The following NLK variants were observed in gnomAD, a reference collection of about 807,000 sequenced individuals.
NLK encodes serine/threonine-protein kinase NLK.
In NLK, 11 loss-of-function variants were observed where a neutral mutation model predicts 59.0. The ratio of observed to expected loss-of-function variants is 0.19; its 90% CI spans 0.12 to 0.31. NLK has a LOEUF of 0.31. NLK is among the 10% of genes least tolerant of loss of function. The pLI, the probability that NLK is intolerant of heterozygous loss-of-function variation, is 1.00. For missense variants in NLK, 410 were observed against 661.1 expected (o/e 0.62, Z 4.16); for synonymous variants, 235 against 235.9 (o/e 1.00, Z 0.03).
downstream of NLK, among the ~76,000 whole-genome samples, chr17:28,199,322 G>A (rs1010673906): frequency 2.0e-5 from 3 of 152,098 alleles, no homozygotes; most frequent in African/African-American, 7.2e-5. Context: ...TAGACACCAG[G>A]CACAGTGGTG....
chr17:28,118,327 C>A (rs1387906960), intron 1 of NLK, among the ~76,000 whole-genome samples: 1 of 152,018 alleles, frequency 6.6e-6, no homozygotes, highest in Non-Finnish European at 1.5e-5. Context: ...ATTACAAGAA[C>A]CTGATTTTCT....
At chr17:28,162,872 T>C (rs2142049240) in intron 4 of NLK, among the ~76,000 whole-genome samples, 1 of 151,126 alleles carries the variant, frequency 6.6e-6, no homozygotes. Flanking sequence ...TGAGCTGTGA[T>C]CATACCACCA....
intron 1 of NLK, among the ~76,000 whole-genome samples, chr17:28,111,353 A>AT (rs957028971): frequency 0.033 from 4,769 of 143,284 alleles, 86 homozygotes; most frequent in African/African-American, 0.044. Context: ...TGCCTGGCTA[A>AT]TTTTTTTTTT....
intron 1 of NLK, among the ~76,000 whole-genome samples, chr17:28,081,600 C>G (rs986139716): frequency 3.3e-5 from 5 of 152,268 alleles, no homozygotes; most frequent in East Asian, 1.9e-4. Context: ...GCAAGATTGA[C>G]TAAAAGCTGA....
At chr17:28,140,641 T>C (rs936915361) in intron 3 of NLK, among the ~76,000 whole-genome samples, 11 of 152,166 alleles carry the variant, frequency 7.2e-5, no homozygotes, top group Admixed American at 2.0e-4. Flanking sequence ...TTGTTGCCAT[T>C]ACCTTTAAGG....
intron 2 of NLK, among the ~76,000 whole-genome samples, chr17:28,131,586 TAAAAAAAAAAAAA>T (rs35804817): frequency 1.4e-4 from 12 of 83,714 alleles, no homozygotes; most frequent in South Asian, 3.6e-4. Flanking sequence ...TTCTCTGTAG[TAAAAAAAAAAAAA>T]AAAAAAAAAA....
At chr17:28,147,695 C>A (rs960442710) in intron 3 of NLK, among the ~76,000 whole-genome samples, 3 of 152,128 alleles carry the variant, frequency 2.0e-5, no homozygotes, top group African/African-American at 7.2e-5. Context: ...TAATATGTTC[C>A]CACCTAATGT....
chr17:28,158,434 T>G (rs1907871228), intron 3 of NLK, among the ~76,000 whole-genome samples: 1 of 152,224 alleles, frequency 6.6e-6, no homozygotes, highest in South Asian at 2.1e-4. Flanking sequence ...AGAACATTAC[T>G]GTGCATTACT....
intron 1 of NLK, among the ~76,000 whole-genome samples, chr17:28,080,694 G>GAC (rs1278519565): frequency 1.3e-5 from 2 of 152,294 alleles, no homozygotes; most frequent in Admixed American, 1.3e-4. Context: ...GTTTCTCATG[G>GAC]ACAGGGTTAG....
intron 1 of NLK, among the ~76,000 whole-genome samples, chr17:28,080,200 C>T (rs1163369835): frequency 6.6e-6 from 1 of 150,806 alleles, no homozygotes. Context: ...GTCTGTAATC[C>T]TGGCACTTTG....
intron 2 of NLK, among the ~76,000 whole-genome samples, chr17:28,131,941 A>G (rs1295966514): frequency 2.0e-5 from 3 of 152,100 alleles, no homozygotes; most frequent in Admixed American, 6.6e-5. Context: ...ATGTTAGTCT[A>G]TTTTCTTCCT....
the NLK span, among the ~76,000 whole-genome samples, chr17:28,202,747 A>G: frequency 6.7e-6 from 1 of 149,602 alleles, no homozygotes; most frequent in Non-Finnish European, 1.5e-5. Context: ...CAATGGTGCA[A>G]TCTCAGCTCA....
intron 3 of NLK, among the ~76,000 whole-genome samples, chr17:28,145,979 T>C (rs1198430155): frequency 1.3e-5 from 2 of 152,216 alleles, no homozygotes; most frequent in Non-Finnish European, 2.9e-5. Flanking sequence ...GTGCTGGGAT[T>C]ACAGGCATGA....
intron 1 of NLK, among the ~76,000 whole-genome samples, chr17:28,114,122 T>C (rs996046837): frequency 2.6e-5 from 4 of 152,226 alleles, no homozygotes; most frequent in African/African-American, 9.6e-5. Context: ...ATTTGTATAC[T>C]GTATATTATA....
At chr17:28,148,727 T>C (rs1200227823) in intron 3 of NLK, among the ~76,000 whole-genome samples, 1 of 152,202 alleles carries the variant, frequency 6.6e-6, no homozygotes, top group African/African-American at 2.4e-5. Flanking sequence ...AAAAATACTT[T>C]TCAGCAAACA....
Position 28,184,026 on chromosome 17 carries a change from G to T in NLK, c.1150-1153G>T, listed in dbSNP as rs1423334530. On this transcript the variant is annotated intron_variant, in intron 7 of 10. Coordinates refer to ENST00000407008, the MANE Select transcript of NLK (RefSeq NM_016231.5). ...CCCCTGACGCTTCTAGCAGTGAAATGGAAGCTTTATAAGCTCTATGGCTTC... is the reference window on the plus strand; with the variant it reads ...CCCCTGACGCTTCTAGCAGTGAAATTGAAGCTTTATAAGCTCTATGGCTTC... Among the ~76,000 whole-genome samples, 3 of 152,312 alleles carry T rather than the reference G, an allele frequency of 2.0e-5. No homozygotes were observed. The East Asian group carries it at 5.8e-4, about 29-fold the overall frequency.
At chr17:28,166,446 T>A (rs1448964583) in intron 5 of NLK, among the ~76,000 whole-genome samples, 1 of 152,198 alleles carries the variant, frequency 6.6e-6, no homozygotes, top group Non-Finnish European at 1.5e-5. Flanking sequence ...GGGGATAAAT[T>A]TTGTTTTCTT....
At chr17:28,157,774 C>T (rs1357994413) in intron 3 of NLK, among the ~76,000 whole-genome samples, 2 of 152,140 alleles carry the variant, frequency 1.3e-5, no homozygotes, top group African/African-American at 2.4e-5. Flanking sequence ...CTTCTGTTAA[C>T]GTCAATTTCT....
At chr17:28,072,202 A>G (rs1457006877) in intron 1 of NLK, among the ~76,000 whole-genome samples, 3 of 151,560 alleles carry the variant, frequency 2.0e-5, no homozygotes. Context: ...CTTATATTTT[A>G]TATGTCTCTG....
Sources: allele counts gnomAD v4.1 joint callset (sites outside exome capture counted in the v4.1 genomes callset), GRCh38; gene constraint gnomAD v4.1.1; transcripts MANE v1.5; gene names NCBI Gene and HGNC (gene_info 2026-07-23, HGNC 2026-07-21).